PCGF3: variants seen among roughly 807,000 people sequenced by gnomAD.
PCGF3 encodes polycomb group RING finger protein 3.
A neutral mutation model predicts 33.1 loss-of-function variants in PCGF3; 7 were observed. The ratio of observed to expected loss-of-function variants is 0.21; its 90% CI spans 0.12 to 0.40. The LOEUF (loss-of-function observed/expected upper bound fraction) is 0.40, where lower values mean the gene tolerates loss of function less well. Among genes scored for constraint, PCGF3 ranks in the 10% least tolerant of loss-of-function variants. The pLI is 1.00. For synonymous variants in PCGF3, 153 were observed against 121.3 expected (o/e 1.26, Z -1.72); for missense variants, 211 against 313.3 (o/e 0.67, Z 2.46).
intron 1 of PCGF3, chr4:724,095 G>A (rs1743228356): frequency 6.6e-6 from 1 of 152,372 alleles, no homozygotes; most frequent in African/African-American, 2.4e-5. Flanking sequence ...AGAACTTCAG[G>A]GCCCAATGGC....
chr4:760,517 G>T (rs1370986454), intron 8 of PCGF3, among the ~76,000 whole-genome samples: 1 of 152,138 alleles, frequency 6.6e-6, no homozygotes. Flanking sequence ...TGTACCCCTG[G>T]TGTCCTCCCT....
At chr4:731,048 G>A (rs1743532008) in exon 3 of PCGF3, 2 of 398,638 alleles carry the variant, frequency 5.0e-6, no homozygotes. Flanking sequence ...GCGTCGCGTG[G>A]GAGTGCTGGC....
At position 753,186 on chromosome 4, in the gene PCGF3, G is replaced by T. The variant is rs376683647; in HGVS notation, c.463-8093G>T. Among the ~76,000 whole-genome samples the T allele has an allele frequency of 1.2e-4, 18 of 152,332 alleles. No individual in the cohort carries two copies. The South Asian group carries it at 2.5e-3, about 21-fold the overall frequency. ...AAGGAAGTTAGAACAGAACTTTAGA[G>T]CTTTTTTATTTTTCTGAGACAGGAT... On this transcript the variant is annotated intron_variant, in intron 8 of 10. Coordinates refer to ENST00000362003, the Ensembl canonical transcript of PCGF3.
At chr4:740,764 C>A (rs573222856) in intron 6 of PCGF3, among the ~76,000 whole-genome samples, 1 of 152,176 alleles carries the variant, frequency 6.6e-6, no homozygotes, top group South Asian at 2.1e-4. Context: ...ATTGAAATTT[C>A]ATGGTGCGTA....
intron 1 of PCGF3, among the ~76,000 whole-genome samples, chr4:711,911 A>C (rs1742587113): frequency 6.6e-6 from 1 of 151,508 alleles, no homozygotes; most frequent in Non-Finnish European, 1.5e-5. Flanking sequence ...CAGTGATCTG[A>C]GATTGCACTC....
At chr4:758,399 G>C (rs1230789329) in intron 8 of PCGF3, among the ~76,000 whole-genome samples, 3 of 127,548 alleles carry the variant, frequency 2.4e-5, no homozygotes, top group Admixed American at 8.0e-5. Flanking sequence ...TTCTCCTTCC[G>C]GACTCCGGGT....
chr4:748,254 CG>C (rs1300788160), intron 8 of PCGF3, among the ~76,000 whole-genome samples: 1 of 151,262 alleles, frequency 6.6e-6, no homozygotes, highest in Non-Finnish European at 1.5e-5. Context: ...GGCTGGAATG[CG>C]GTGGCACCAT....
intron 3 of PCGF3, chr4:731,414 T>C: frequency 2.7e-6 from 1 of 371,890 alleles, no homozygotes. Context: ...GCCTGGGGCC[T>C]CAGCCCAGTG....
At chr4:732,687 T>G (rs1176412116) in intron 3 of PCGF3, among the ~76,000 whole-genome samples, 1 of 151,996 alleles carries the variant, frequency 6.6e-6, no homozygotes, top group Non-Finnish European at 1.5e-5. Context: ...TTGGTGGCGG[T>G]GATGACGGAA....
intron 1 of PCGF3, among the ~76,000 whole-genome samples, chr4:707,346 C>T (rs934164017): frequency 3.3e-5 from 5 of 152,150 alleles, no homozygotes; most frequent in Non-Finnish European, 7.4e-5. Flanking sequence ...GGGTCACAGA[C>T]GAGGGCCAGG....
intron 1 of PCGF3, among the ~76,000 whole-genome samples, chr4:730,054 G>T (rs1352606919): frequency 6.6e-6 from 1 of 151,956 alleles, no homozygotes; most frequent in African/African-American, 2.4e-5. Context: ...CTCCCTCCCT[G>T]TCTGAGGCCC....
chr4:731,411 GCC>G (rs1217137200), intron 3 of PCGF3: 41 of 373,886 alleles, frequency 1.1e-4, no homozygotes, highest in Non-Finnish European at 1.8e-4. Flanking sequence ...CGAGCCTGGG[GCC>G]TCAGCCCAGT....
chr4:726,064 C>T (rs564522465), intron 1 of PCGF3, among the ~76,000 whole-genome samples: 5 of 152,256 alleles, frequency 3.3e-5, no homozygotes, highest in Non-Finnish European at 5.9e-5. Flanking sequence ...TGGGCAGCCG[C>T]GGGCGGGATG....
intron 8 of PCGF3, among the ~76,000 whole-genome samples, chr4:749,978 T>G (rs1319183991): frequency 6.6e-6 from 1 of 152,132 alleles, no homozygotes; most frequent in Non-Finnish European, 1.5e-5. Context: ...CTTTTTTAAT[T>G]TTTTGTAGAG....
intron 1 of PCGF3, among the ~76,000 whole-genome samples, chr4:725,745 G>A (rs903136027): frequency 1.3e-5 from 2 of 152,132 alleles, no homozygotes; most frequent in Non-Finnish European, 2.9e-5. Context: ...GGCTGCAGAG[G>A]GCTGCTGTGG....
intron 1 of PCGF3, among the ~76,000 whole-genome samples, chr4:722,765 T>C (rs1240052336): frequency 8.0e-5 from 4 of 50,292 alleles, no homozygotes; most frequent in Admixed American, 3.6e-4. Context: ...GACATCGCCA[T>C]CCACGCCGGG....
chr4:749,976 A>G (rs1744442075), intron 8 of PCGF3, among the ~76,000 whole-genome samples: 1 of 151,956 alleles, frequency 6.6e-6, no homozygotes, highest in Admixed American at 6.5e-5. Context: ...AACTTTTTTA[A>G]TTTTTTGTAG....
intron 8 of PCGF3, among the ~76,000 whole-genome samples, chr4:749,475 CCTT>C (rs1291763221): frequency 1.2e-5 from 1 of 83,782 alleles, no homozygotes; most frequent in East Asian, 3.9e-4. Flanking sequence ...AATTTTCTTT[CCTT>C]TTTTTTTTTT....
At chr4:712,431 G>GTT (rs1487366434) in intron 1 of PCGF3, among the ~76,000 whole-genome samples, 2 of 152,028 alleles carry the variant, frequency 1.3e-5, no homozygotes, top group Non-Finnish European at 2.9e-5. Context: ...GTGTTTGTTT[G>GTT]TTTGTTTTTG....
Sources: gnomAD v4.1 joint callset for allele counts (sites outside exome capture counted in the v4.1 genomes callset) on GRCh38, gnomAD v4.1.1 for gene constraint, MANE v1.5 for transcripts, NCBI Gene and HGNC (gene_info 2026-07-23, HGNC 2026-07-21) for gene names.